PWWP2A: variants seen among roughly 807,000 people sequenced by gnomAD.
PWWP2A encodes PWWP domain-containing protein 2A.
PWWP2A carries 18 observed loss-of-function variants against 48.5 expected under a neutral mutation model. The ratio of observed to expected loss-of-function variants is 0.37; its 90% confidence interval spans 0.26 to 0.55. The LOEUF is 0.55. Ranked by LOEUF, PWWP2A falls within the 20% of genes least tolerant of loss-of-function variation. The pLI is 0.81. For missense variants in PWWP2A, 867 were observed against 976.4 expected (o/e 0.89, Z 1.49); for synonymous variants, 396 against 387.7 (o/e 1.02, Z -0.25).
At chr5:160,060,808 CT>C (rs1753362245), downstream of PWWP2A, among the ~76,000 whole-genome samples, 1 of 152,210 alleles carries the variant, frequency 6.6e-6, no homozygotes, top group Non-Finnish European at 1.5e-5. Flanking sequence ...TCACCAAAAA[CT>C]TGTTGATTCT....
intron 1 of PWWP2A, among the ~76,000 whole-genome samples, chr5:160,102,685 C>A (rs1223228747): frequency 6.6e-6 from 1 of 152,142 alleles, no homozygotes; most frequent in African/African-American, 2.4e-5. Context: ...AGAAACAGGA[C>A]AACACCCTAA....
intron 1 of PWWP2A, among the ~76,000 whole-genome samples, chr5:160,114,360 C>T (rs966962058): frequency 1.3e-5 from 2 of 151,996 alleles, no homozygotes; most frequent in South Asian, 2.1e-4. Context: ...GGCGAAACTC[C>T]GTCTCTACTA....
intron 1 of PWWP2A, among the ~76,000 whole-genome samples, chr5:160,095,686 CTTT>C (rs11358268): frequency 4.1e-4 from 41 of 100,308 alleles, no homozygotes; most frequent in Admixed American, 4.8e-4. Context: ...CCGAAATGTT[CTTT>C]TTTTTTTTTT....
intron 1 of PWWP2A, among the ~76,000 whole-genome samples, chr5:160,101,337 G>A (rs1029321048): frequency 2.0e-5 from 3 of 152,118 alleles, no homozygotes; most frequent in Admixed American, 6.6e-5. Flanking sequence ...GTGATAGAGT[G>A]AGACTCTGTC....
chr5:160,074,019 C>G (rs1049408429), downstream of PWWP2A, among the ~76,000 whole-genome samples: 1 of 149,136 alleles, frequency 6.7e-6, no homozygotes. Flanking sequence ...GAGCCGAGAT[C>G]GTGCCACTGC....
At chr5:160,114,951 A>G (rs1432623244) in intron 1 of PWWP2A, among the ~76,000 whole-genome samples, 1 of 151,954 alleles carries the variant, frequency 6.6e-6, no homozygotes, top group East Asian at 1.9e-4. Context: ...CCTGGCCAAT[A>G]TGGTGAAACC....
intron 2 of PWWP2A, among the ~76,000 whole-genome samples, chr5:160,084,103 G>C (rs983309661): frequency 6.6e-6 from 1 of 152,124 alleles, no homozygotes; most frequent in African/African-American, 2.4e-5. Context: ...AGAATTTACC[G>C]TGCAACACAA....
chr5:160,065,407 C>A, intron 4 of PWWP2A: 1 of 478,922 alleles, frequency 2.1e-6, no homozygotes. Flanking sequence ...ACCAAACAAA[C>A]CTGTTGGTTG....
At chr5:160,053,040 C>T in the PWWP2A span, among the ~76,000 whole-genome samples, 3 of 152,074 alleles carry the variant, frequency 2.0e-5, no homozygotes, top group Non-Finnish European at 2.9e-5. Flanking sequence ...CAATAGATAA[C>T]CTAGAAGAGA....
chr5:160,048,143 T>A, the PWWP2A span, among the ~76,000 whole-genome samples: 1 of 133,290 alleles, frequency 7.5e-6, no homozygotes, highest in Non-Finnish European at 1.6e-5. Context: ...TTTTTTTTTT[T>A]TTTTTTTTTT....
chr5:160,092,249 G>C lies in PWWP2A; in HGVS notation c.*133C>G. 7.0e-7 allele frequency: 1 copy of C among 1,420,284 alleles called. No individual in the cohort carries two copies. The allele number at this position is 1,420,284 out of a possible 1,614,324, so 88.0% of individuals were successfully genotyped here. The stretch of plus-strand genomic sequence containing the variant: ...CAGTCTAAAAATGGCTATAAGGTAA[G>C]TATTAAAAAGCCAGCCAACTGAGTG... On this transcript the variant is annotated 3_prime_UTR_variant, in exon 2 of 2. Coordinates refer to ENST00000307063, the MANE Select transcript of PWWP2A (RefSeq NM_001130864.2).
chr5:160,118,864 G>C lies in PWWP2A; in HGVS notation c.525C>G (p.Val175=). The change falls in exon 1 of 2, where the codon GTC becomes GTG. Residue 175 remains valine, a synonymous_variant. Transcript: ENST00000307063. ...TLDHIIEDAL[V]VSFRFGEKLF... ...GCTTCTCCCCGAAGCGGAACGACAC[G>C]ACAAGCGCGTCCTCAATGATGTGGT... 6.3e-7 allele frequency: 1 copy of C among 1,594,236 alleles called. No individual in the cohort carries two copies. The highest frequency in any genetic ancestry group is 8.5e-7 in the Non-Finnish European group (1 of 1,171,930).
intron 1 of PWWP2A, among the ~76,000 whole-genome samples, chr5:160,101,236 G>T (rs1756249789): frequency 6.6e-6 from 1 of 152,092 alleles, no homozygotes; most frequent in Admixed American, 6.6e-5. Flanking sequence ...TGTAATCCCA[G>T]CTACTGGGGA....
chr5:160,050,233 A>C, the PWWP2A span, among the ~76,000 whole-genome samples: 2 of 152,160 alleles, frequency 1.3e-5, no homozygotes, highest in Non-Finnish European at 2.9e-5. Context: ...GGATCACCTG[A>C]GGTCGGGAGT....
intron 1 of PWWP2A, among the ~76,000 whole-genome samples, chr5:160,109,774 A>AAAAAATAT (rs1554104831): frequency 7.9e-5 from 2 of 25,224 alleles, no homozygotes; most frequent in African/African-American, 1.5e-4. Flanking sequence ...AAAAAAAAAA[A>AAAAAATAT]ATATATATAT....
intron 4 of PWWP2A, chr5:160,065,110 G>T (rs372198214): frequency 1.9e-6 from 3 of 1,593,406 alleles, no homozygotes; most frequent in South Asian, 2.3e-5. Context: ...ATTGTGTGCT[G>T]CTTGCTGTTA....
chr5:160,076,182 G>A (rs1233100998), exon 4 of PWWP2A: 5 of 151,366 alleles, frequency 3.3e-5, no homozygotes, highest in African/African-American at 9.7e-5. Flanking sequence ...AATATGCCAT[G>A]AGAAAAAAAA....
chr5:160,079,954 T>C (rs1207766601), intron 3 of PWWP2A, among the ~76,000 whole-genome samples: 7 of 152,204 alleles, frequency 4.6e-5, no homozygotes, highest in Non-Finnish European at 7.3e-5. Flanking sequence ...TAAACAGCCT[T>C]ACTTCAAGGA....
intron 1 of PWWP2A, among the ~76,000 whole-genome samples, chr5:160,113,643 T>C (rs936882122): frequency 6.6e-6 from 1 of 152,232 alleles, no homozygotes; most frequent in African/African-American, 2.4e-5. Context: ...GCTTACTATG[T>C]ATTCCCCGGT....
Sources: allele counts gnomAD v4.1 joint callset (sites outside exome capture counted in the v4.1 genomes callset), GRCh38; gene constraint gnomAD v4.1.1; transcripts MANE v1.5; gene names NCBI Gene and HGNC (gene_info 2026-07-23, HGNC 2026-07-21).